The following PLXNB3 variants were observed in gnomAD, a reference collection of about 807,000 sequenced individuals.
The protein encoded by PLXNB3 is plexin-B3.
In PLXNB3, 80 loss-of-function variants were observed where a neutral mutation model predicts 125.7. The ratio of observed to expected loss-of-function variants is 0.64; its 90% CI spans 0.53 to 0.77. The LOEUF is 0.77. PLXNB3 is among the 30% of genes least tolerant of loss of function. PLXNB3 has a pLI of 0.00. For missense variants in PLXNB3, 1,836 were observed against 1,729.3 expected (o/e 1.06, Z -1.09); for synonymous variants, 954 against 783.3 (o/e 1.22, Z -3.64).
At position 153,767,470 on chromosome X, in the gene PLXNB3, T is replaced by C; in HGVS notation, c.643T>C (p.Ser215Pro). 8.4e-7 allele frequency: 1 copy of C among 1,194,708 alleles called. No individual in the cohort carries two copies. Among genetic ancestry groups the C allele is most frequent in the South Asian group, 1.8e-5 (1 of 54,552 alleles). The change falls in exon 3 of 36, where the codon TCC becomes CCC. Residue 215 changes from serine (S) to proline (P), a missense_variant. By Grantham distance (74) the Ser-to-Pro change is moderately conservative (BLOSUM62 -1). Transcript: ENST00000361971. The part of the protein sequence containing the change: ...IRQLAGSQPF[S>P]SEGLGRLVVG... ...CCAGCTGGCCGGGTCTCAGCCCTTC[T>C]CCAGCGAGGGCCTGGGCCGCCTGGT... is the stretch of plus-strand genomic sequence containing the variant.
At chrX:153,768,882 G>A in intron 4 of PLXNB3, 66 bp from the exon 5 acceptor site, 1 of 1,152,342 alleles carries the variant, frequency 8.7e-7, no homozygotes, top group Non-Finnish European at 1.2e-6. Context: ...CTAGGAGGAG[G>A]GCGTGTCCCT....
At chrX:153,768,524 C>T (rs983426310) in intron 4 of PLXNB3, 96 bp downstream of exon 4, 52 of 849,751 alleles carry the variant, frequency 6.1e-5, no homozygotes, top group African/African-American at 1.0e-4. Flanking sequence ...CCGCATCCCA[C>T]GGTTGGGTCA....
At position 153,766,020 on chromosome X, in the gene PLXNB3, T is replaced by C; in HGVS notation, c.45+440T>C. On this transcript the variant is annotated intron_variant, in intron 2 of 35. Coordinates refer to ENST00000361971, the MANE Select transcript of PLXNB3 (RefSeq NM_005393.3). ...CCAGCCAGCTCTCCTGGTCTGCTCT[T>C]CTCCTGGGACACTCCTACACTGAGG... is the stretch of plus-strand genomic sequence containing the variant. 2.9e-6 allele frequency: 3 copies of C among 1,034,650 alleles called. No individual in the cohort carries two copies. The East Asian group carries it at 1.1e-4, about 37-fold the overall frequency. 85.3% of individuals were successfully genotyped at this position (1,034,650 alleles called of 1,213,427 possible).
intron 6 of PLXNB3, 45 bp from the exon 7 acceptor site, chrX:153,769,762 G>T: frequency 8.5e-7 from 1 of 1,174,435 alleles, no homozygotes; most frequent in South Asian, 1.9e-5. Flanking sequence ...GTCATCCTTG[G>T]AGTCTAGGAC....
At chrX:153,772,593 G>A in intron 16 of PLXNB3, 6 of 707,329 alleles carry the variant, frequency 8.5e-6, no homozygotes, top group Non-Finnish European at 1.1e-5. Context: ...AGAGTTTAGA[G>A]CTCCAGGTCT....
chrX:153,774,282 T>C lies in PLXNB3; in HGVS notation c.3616T>C (p.Tyr1206His). The C allele has an allele frequency of 1.7e-6, 2 of 1,172,631 alleles. No homozygotes were observed. Among genetic ancestry groups the C allele is most frequent in the Non-Finnish European group, 2.3e-6 (2 of 879,742 alleles). The change falls in exon 21 of 36, where the codon TAC becomes CAC. Residue 1206 changes from tyrosine (Y) to histidine (H), a missense_variant. Tyr to His is a moderately conservative substitution (Grantham distance 83). Coordinates refer to ENST00000361971, the MANE Select transcript of PLXNB3 (RefSeq NM_005393.3). ...GAAGACGCTCACGCGCACCCACCTG[T>C]ACTGCGAGCCGCCTGCGCACGCCCC... The part of the protein sequence containing the change: ...LVKTLTRTHL[Y>H]CEPPAHAPQP...
intron 4 of PLXNB3, among the ~76,000 whole-genome samples, chrX:153,768,653 G>T (rs782002718): frequency 8.9e-6 from 1 of 112,534 alleles, no homozygotes; most frequent in Non-Finnish European, 1.9e-5. Flanking sequence ...TGGGCAGGGT[G>T]TGGTGCCTCC....
intron 28 of PLXNB3, 34 bp from the exon 29 acceptor site, chrX:153,776,853 G>A: frequency 9.8e-7 from 1 of 1,019,336 alleles, no homozygotes; most frequent in South Asian, 2.2e-5. Flanking sequence ...CCTGGCTAGG[G>A]GTCAGCACAG....
chrX:153,769,127 G>A (rs1301748143), intron 5 of PLXNB3, 35 bp from the exon 6 acceptor site: 5 of 1,198,450 alleles, frequency 4.2e-6, no homozygotes, highest in Admixed American at 2.2e-5. Flanking sequence ...CCCAAGTCTC[G>A]TGCCCATTGC....
At chrX:153,770,699 G>A (rs2091918479) in intron 10 of PLXNB3, 57 bp downstream of exon 10, 8 of 1,206,396 alleles carry the variant, frequency 6.6e-6, no homozygotes, top group Non-Finnish European at 9.0e-6. Context: ...ACCCTTCCCA[G>A]ACCCGCCCAG....
chrX:153,774,271 G>T lies in PLXNB3; in HGVS notation c.3605G>T (p.Arg1202Leu), dbSNP rs376345505. 8.5e-7 allele frequency: 1 copy of T among 1,177,797 alleles called. No individual in the cohort carries two copies. The highest frequency in any genetic ancestry group is 1.8e-5 in the South Asian group (1 of 54,176). Reference protein sequence around the residue: ...RGECLVKTLTRTHLYCEPPAH... With the variant: ...RGECLVKTLTLTHLYCEPPAH... ...GAGTGCCTGGTGAAGACGCTCACGC[G>T]CACCCACCTGTACTGCGAGCCGCCT... The change falls in exon 21 of 36, where the codon CGC becomes CTC. Residue 1202 changes from arginine (R) to leucine (L), a missense_variant. Arg to Leu is a moderately radical substitution (Grantham distance 102, BLOSUM62 -2). Coordinates refer to ENST00000361971, the MANE Select transcript of PLXNB3 (RefSeq NM_005393.3).
rs782549046 is a variant in PLXNB3, at chrX:153,772,817, G to A, written c.2776-69G>A. On this transcript the variant is annotated intron_variant, in intron 16 of 35. Transcript: ENST00000361971. The stretch of plus-strand genomic sequence containing the variant: ...TGCGCTTCAGAACCGGAGGGCCTTG[G>A]GCATGGCCCAGGGGGGTGAAAGGGC... 1.6e-3 allele frequency: 1,679 copies of A among 1,048,972 alleles called. 8 individuals are homozygous for A. Among genetic ancestry groups the A allele is most frequent in the South Asian group, 0.015 (524 of 36,097 alleles). 86.4% of individuals were successfully genotyped at this position (1,048,972 alleles called of 1,213,427 possible).
chrX:153,768,217 C>T (rs200937209), intron 3 of PLXNB3, 32 bp from the exon 4 acceptor site: 42 of 1,160,363 alleles, frequency 3.6e-5, no homozygotes, highest in Admixed American at 2.8e-4. Flanking sequence ...TGCTCTCTTC[C>T]GGGGGCTGAT....
Position 153,774,588 on chromosome X carries a change from C to T in PLXNB3, c.3830+17C>T. On this transcript the variant is annotated intron_variant, in intron 22 of 35. Transcript: ENST00000361971. The stretch of plus-strand genomic sequence containing the variant: ...CATGTACAGGTGAGACCCGCCCACC[C>T]CCAGCACACTTCCCTCCTCGCCATT... 1 of 1,182,849 alleles carries T rather than the reference C, an allele frequency of 8.5e-7. No homozygotes were observed.
chrX:153,774,129 C>T (rs1557063048), intron 20 of PLXNB3, 31 bp downstream of exon 20: 6 of 1,196,556 alleles, frequency 5.0e-6, no homozygotes, highest in South Asian at 1.8e-5. Flanking sequence ...TGCCCCGCCA[C>T]GGTGCTCAGG....
intron 15 of PLXNB3, 59 bp from the exon 16 acceptor site, chrX:153,772,123 G>GGGTGGAGAACGTGCGCTCGGTAGCAGCT: frequency 8.8e-7 from 1 of 1,135,353 alleles, no homozygotes; most frequent in African/African-American, 1.8e-5. Context: ...GTCAGGGGAG[G>GGGTGGAGAACGTGCGCTCGGTAGCAGCT]GGTGGGCTGT....
chrX:153,768,349 C>T lies in PLXNB3; in HGVS notation c.1187C>T (p.Pro396Leu), dbSNP rs782540845. 2.8e-5 allele frequency: 34 copies of T among 1,209,641 alleles called. No individual in the cohort carries two copies. The highest frequency in any genetic ancestry group is 2.1e-4 in the East Asian group (7 of 33,771). ...CAGCCTCTGCTGAAGCTCGGGCAGC[C>T]GGTCAGCGCCGTGGCAGCTCTCCAG... ...EVQPLLKLGQ[P>L]VSAVAALQAD... The change falls in exon 4 of 36, where the codon CCG becomes CTG. Residue 396 changes from proline (P) to leucine (L), a missense_variant. By Grantham distance (98) the Pro-to-Leu change is moderately conservative. Coordinates refer to ENST00000361971, the MANE Select transcript of PLXNB3 (RefSeq NM_005393.3).
Position 153,776,058 on chromosome X carries a change from G to A in PLXNB3, c.4573G>A (p.Gly1525Arg), listed in dbSNP as rs781861924. The stretch of plus-strand genomic sequence containing the variant: ...GACGCTGATGGTGCTGGTGGGGCCC[G>A]GGGCTGGCGGGGCCGCAGGCAGCAG... ...PLTLMVLVGP[G>R]AGGAAGSSEM... Residue 1525 changes from glycine to arginine, a missense_variant, in exon 27 of 36, where the codon GGG becomes AGG. Physicochemically the swap from Gly to Arg is moderately radical, Grantham distance 125 (BLOSUM62 -2). Transcript: ENST00000361971. The A allele has an allele frequency of 9.2e-6, 11 of 1,194,108 alleles. No homozygotes were observed. Among genetic ancestry groups the A allele is most frequent in the African/African-American group, 3.5e-5 (2 of 57,052 alleles).
chrX:153,775,490 G>A (rs1170880396), intron 25 of PLXNB3, 87 bp downstream of exon 25: 189 of 1,129,361 alleles, frequency 1.7e-4, no homozygotes, highest in Non-Finnish European at 2.2e-4. Flanking sequence ...CTGTCCAGGG[G>A]CGGGTGGGGC....
Sources: allele counts gnomAD v4.1 joint callset (sites outside exome capture counted in the v4.1 genomes callset), GRCh38; gene constraint gnomAD v4.1.1; transcripts MANE v1.5; gene names NCBI Gene and HGNC (gene_info 2026-07-23, HGNC 2026-07-21).